TNFAIP8L3: variants seen among roughly 807,000 people sequenced by gnomAD.
The protein encoded by TNFAIP8L3 is tumor necrosis factor alpha-induced protein 8-like protein 3.
TNFAIP8L3 carries 7 observed loss-of-function variants against 11.8 expected under a neutral mutation model. The ratio of observed to expected loss-of-function variants is 0.59; its 90% CI spans 0.34 to 1.11. The LOEUF (loss-of-function observed/expected upper bound fraction) is 1.11, where lower values mean the gene tolerates loss of function less well. TNFAIP8L3 is among the 50% of genes most tolerant of loss of function. TNFAIP8L3 has a pLI of 0.03. For missense variants in TNFAIP8L3, 219 were observed against 258.6 expected (o/e 0.85, Z 1.05); for synonymous variants, 98 against 103.8 (o/e 0.94, Z 0.34).
intron 1 of TNFAIP8L3, among the ~76,000 whole-genome samples, chr15:51,093,287 A>G (rs546964998): frequency 6.6e-6 from 1 of 152,292 alleles, no homozygotes; most frequent in Non-Finnish European, 1.5e-5. Flanking sequence ...TGCGGGCCAC[A>G]GCCACCCTCT....
chr15:51,081,181 G>A (rs1196938074), intron 1 of TNFAIP8L3, among the ~76,000 whole-genome samples: 1 of 152,156 alleles, frequency 6.6e-6, no homozygotes, highest in Non-Finnish European at 1.5e-5. Flanking sequence ...CAGTGGAAAC[G>A]GAGAGCAGCA....
At chr15:51,068,700 TC>T (rs1435210479) in intron 1 of TNFAIP8L3, among the ~76,000 whole-genome samples, 1 of 143,390 alleles carries the variant, frequency 7.0e-6, no homozygotes, top group African/African-American at 2.6e-5. Context: ...AGAGTCTTGC[TC>T]TGTTGCCCAG....
upstream of TNFAIP8L3, among the ~76,000 whole-genome samples, chr15:51,099,210 A>C (rs943170303): frequency 6.6e-6 from 1 of 152,200 alleles, no homozygotes; most frequent in Non-Finnish European, 1.5e-5. Flanking sequence ...AGAAGAATGC[A>C]AAGTTTCCTT....
chr15:51,058,450 T>C lies in TNFAIP8L3; in HGVS notation c.53-7A>G, dbSNP rs761429202. The stretch of plus-strand genomic sequence containing the variant: ...GAACTAAAAACATCAGGACCTATGG[T>C]AAAAAAAATATATATAAAAGTTTTA... On this transcript the variant is annotated splice_polypyrimidine_tract_variant and splice_region_variant and intron_variant, in intron 1 of 1. Transcript: ENST00000637513. The C allele has an allele frequency of 6.7e-7, 1 of 1,497,672 alleles. No homozygotes were observed. The highest frequency in any genetic ancestry group is 1.3e-5 in the South Asian group (1 of 76,630). 92.8% of individuals were successfully genotyped at this position (1,497,672 alleles called of 1,614,324 possible).
intron 1 of TNFAIP8L3, among the ~76,000 whole-genome samples, chr15:51,079,744 G>A (rs143333788): frequency 6.6e-6 from 1 of 151,710 alleles, no homozygotes; most frequent in African/African-American, 2.4e-5. Context: ...CAGCACTTTG[G>A]AGGCCAATGT....
intron 1 of TNFAIP8L3, among the ~76,000 whole-genome samples, chr15:51,062,946 T>C (rs2065249875): frequency 6.6e-6 from 1 of 151,916 alleles, no homozygotes; most frequent in Non-Finnish European, 1.5e-5. Context: ...GAGAAAGAGA[T>C]GTGATGATGA....
chr15:51,072,218 G>A (rs1722523061), intron 1 of TNFAIP8L3, among the ~76,000 whole-genome samples: 2 of 152,004 alleles, frequency 1.3e-5, no homozygotes, highest in South Asian at 4.1e-4. Flanking sequence ...TCGGCTCACC[G>A]CAACCTCTGC....
At chr15:51,065,182 G>A (rs1335721968) in intron 1 of TNFAIP8L3, among the ~76,000 whole-genome samples, 1 of 152,198 alleles carries the variant, frequency 6.6e-6, no homozygotes, top group Non-Finnish European at 1.5e-5. Context: ...TGATAGAAGA[G>A]CTCAATCAAA....
At chr15:51,101,814 C>T (rs1469912777) in intron 1 of TNFAIP8L3, among the ~76,000 whole-genome samples, 10 of 143,046 alleles carry the variant, frequency 7.0e-5, no homozygotes, top group African/African-American at 1.0e-4. Context: ...GGCGTGATGG[C>T]GGGCGCCTGT....
rs151221769 is a variant in TNFAIP8L3, at chr15:51,105,060, C to T, written c.117G>A (p.Thr39=). 7.1e-5 allele frequency: 114 copies of T among 1,614,176 alleles called. 1 individual carries two copies. The highest frequency in any genetic ancestry group is 7.0e-4 in the South Asian group (64 of 91,084). ...ATAAGGGGATGAGTCTTGTTTGTAA[C>T]GTGGCATCCCTTGTGCCTTGGGTCC... Residue 39 remains threonine (T), a synonymous_variant, in exon 1 of 3, where the codon ACG becomes ACA. Coordinates refer to the TNFAIP8L3 transcript ENST00000327536.
chr15:51,064,920 G>C (rs1328953177), intron 1 of TNFAIP8L3: 2 of 152,156 alleles, frequency 1.3e-5, no homozygotes, highest in African/African-American at 4.8e-5. Context: ...TTATTAATGG[G>C]GAAACACTAA....
intron 1 of TNFAIP8L3, among the ~76,000 whole-genome samples, chr15:51,073,650 C>T (rs2065328654): frequency 6.6e-6 from 1 of 152,152 alleles, no homozygotes; most frequent in South Asian, 2.1e-4. Flanking sequence ...TGATTGTTTT[C>T]TTTGACCCCC....
At chr15:51,061,068 A>C (rs1396716425) in intron 1 of TNFAIP8L3, among the ~76,000 whole-genome samples, 2 of 152,250 alleles carry the variant, frequency 1.3e-5, no homozygotes, top group Admixed American at 6.5e-5. Context: ...CTGGGGAGGC[A>C]GAGGTTGCAG....
intron 1 of TNFAIP8L3, among the ~76,000 whole-genome samples, chr15:51,080,605 G>A (rs1295838406): frequency 2.0e-5 from 3 of 152,216 alleles, no homozygotes; most frequent in African/African-American, 7.2e-5. Flanking sequence ...TCGGTTCAGT[G>A]GAGCACTTGG....
rs146945449 is a variant in TNFAIP8L3 at position 51,064,160 on chromosome 15, A to C, written c.53-5717T>G. Among the ~76,000 whole-genome samples, 3 of 152,350 alleles carry C rather than the reference A, an allele frequency of 2.0e-5. No individual in the cohort carries two copies. In the East Asian group the frequency reaches 5.8e-4, roughly 29 times the overall value. ...CTTTAAGAAAAGACAACAACCAAGT[A>C]GATTTCCATACTCTACCCCAAATTG... On this transcript the variant is annotated intron_variant, in intron 1 of 1. Transcript: ENST00000637513.
intron 1 of TNFAIP8L3, among the ~76,000 whole-genome samples, chr15:51,069,274 C>T (rs560169269): frequency 8.8e-4 from 134 of 152,288 alleles, no homozygotes; most frequent in African/African-American, 3.0e-3. Flanking sequence ...CATTCATCCA[C>T]AGGCTAGGAA....
At chr15:51,066,163 CCT>C (rs1491250922) in intron 1 of TNFAIP8L3, among the ~76,000 whole-genome samples, 6 of 93,664 alleles carry the variant, frequency 6.4e-5, no homozygotes, top group Admixed American at 3.3e-4. Context: ...AACTTTCTTT[CCT>C]TTTTTTTTTT....
chr15:51,098,469 C>A (rs1301324136), upstream of TNFAIP8L3, among the ~76,000 whole-genome samples: 3 of 152,164 alleles, frequency 2.0e-5, no homozygotes, highest in African/African-American at 7.2e-5. Flanking sequence ...CTGAGGGGGC[C>A]TCCATGGGAC....
intron 1 of TNFAIP8L3, among the ~76,000 whole-genome samples, chr15:51,074,537 G>A (rs1263790552): frequency 6.6e-6 from 1 of 152,208 alleles, no homozygotes; most frequent in Non-Finnish European, 1.5e-5. Flanking sequence ...CTGAAGAGGA[G>A]CTCCATGAAC....
Sources: allele counts gnomAD v4.1 joint callset (sites outside exome capture counted in the v4.1 genomes callset), GRCh38; gene constraint gnomAD v4.1.1; transcripts MANE v1.5; gene names NCBI Gene and HGNC (gene_info 2026-07-23, HGNC 2026-07-21).